The following PABPC1L2A variants were observed in gnomAD, a reference collection of about 807,000 sequenced individuals.
The protein encoded by PABPC1L2A is polyadenylate-binding protein 1-like 2.
rs2055548119 is a variant in PABPC1L2A, at chrX:73,077,793, T to C, written c.*991A>G. On this transcript the variant is annotated 3_prime_UTR_variant, in exon 1 of 1. Coordinates refer to ENST00000373519, the MANE Select transcript of PABPC1L2A (RefSeq NM_001012977.3). Reference sequence around the variant, plus strand: ...ATCAATTACAGTGACCAGGAGACTATGCAGGGGAAACGGGCATACTCTTTA... The same window carrying C: ...ATCAATTACAGTGACCAGGAGACTACGCAGGGGAAACGGGCATACTCTTTA... 1 of 121,781 alleles carries C rather than the reference T, an allele frequency of 8.2e-6. No homozygotes were observed. Among genetic ancestry groups the C allele is most frequent in the African/African-American group, 3.3e-5 (1 of 30,197 alleles). 10.0% of individuals were successfully genotyped at this position (121,781 alleles called of 1,213,427 possible). A position where few individuals can be genotyped will look rare whatever the true frequency, so the allele number is the denominator to read the frequency against.
In PABPC1L2A at chrX:73,077,290, C is replaced by A. The variant is rs1485261613; in HGVS notation, c.*1494G>T. 1.8e-5 allele frequency: 2 copies of A among 111,105 alleles called. No homozygotes were observed. The highest frequency in any genetic ancestry group is 6.6e-5 in the African/African-American group (2 of 30,488). 9.2% of individuals were successfully genotyped at this position (111,105 alleles called of 1,213,427 possible). ...GCCAGAGAAAATATTTTAAAAGTAT[C>A]TTTAATGACATGAAATGAAGTTCAA... On this transcript the variant is annotated 3_prime_UTR_variant, in exon 1 of 1. Coordinates refer to ENST00000373519, the MANE Select transcript of PABPC1L2A (RefSeq NM_001012977.3).
chrX:73,077,663 T>A lies in PABPC1L2A; in HGVS notation c.*1121A>T, dbSNP rs1460020306. ...GGAATGGGGTCATAAGCAGTGTTTG[T>A]TTCCAGCAAAACTACCGAGGACAGC... On this transcript the variant is annotated 3_prime_UTR_variant, in exon 1 of 1. Transcript: ENST00000373519. The A allele has an allele frequency of 8.3e-6, 1 of 120,738 alleles. No individual in the cohort carries two copies. Among genetic ancestry groups the A allele is most frequent in the Non-Finnish European group, 1.9e-5 (1 of 52,808 alleles). 10.0% of individuals were successfully genotyped at this position (120,738 alleles called of 1,213,427 possible). A position where few individuals can be genotyped will look rare whatever the true frequency, so the allele number is the denominator to read the frequency against.
rs1299534132 is a variant in PABPC1L2A at position 73,077,611 on chromosome X, G to C, written c.*1173C>G. 1.7e-5 allele frequency: 2 copies of C among 121,045 alleles called. No individual in the cohort carries two copies. The highest frequency in any genetic ancestry group is 6.7e-5 in the African/African-American group (2 of 30,012). 10.0% of individuals were successfully genotyped at this position (121,045 alleles called of 1,213,427 possible). On this transcript the variant is annotated 3_prime_UTR_variant, in exon 1 of 1. Transcript: ENST00000373519. The stretch of plus-strand genomic sequence containing the variant: ...ACGCTGAATTACTTTTCTGACAACA[G>C]GGAAAAGGACAGGAAGAGGGCACAG...
At position 73,077,722 on chromosome X, in the gene PABPC1L2A, G is replaced by GACACAC. The variant is rs377158860; in HGVS notation, c.*1056_*1061dup. The stretch of plus-strand genomic sequence containing the variant: ...CTTTGTAGCCCGCCAAGCTGGCCAA[G>GACACAC]ACACACACACACACACACACACACA... On this transcript the variant is annotated 3_prime_UTR_variant, in exon 1 of 1. Coordinates refer to ENST00000373519, the MANE Select transcript of PABPC1L2A (RefSeq NM_001012977.3). The GACACAC allele has an allele frequency of 3.8e-4, 40 of 104,772 alleles. No individual in the cohort carries two copies. Among genetic ancestry groups the GACACAC allele is most frequent in the African/African-American group, 1.4e-3 (37 of 26,716 alleles). The allele number at this position is 104,772 out of a possible 1,213,427, so 8.6% of individuals were successfully genotyped here.
Position 73,079,303 on chromosome X carries a change from G to A in PABPC1L2A, c.84C>T (p.Ile28=). 1 of 291,646 alleles carries A rather than the reference G, an allele frequency of 3.4e-6. No individual in the cohort carries two copies. The highest frequency in any genetic ancestry group is 6.2e-6 in the Non-Finnish European group (1 of 162,188). The allele number at this position is 291,646 out of a possible 1,213,427, so 24.0% of individuals were successfully genotyped here. A position where few individuals can be genotyped will look rare whatever the true frequency, so the allele number is the denominator to read the frequency against. ...LYEKFSPAGP[I]LSIRICRDKI... ...TGTCCCTGCAGATGCGGATGGAGAG[G>A]ATGGGCCCAGCTGGACTGAACTTCT... The change falls in exon 1 of 1, where the codon ATC becomes ATT. Residue 28 remains isoleucine (I), a synonymous_variant. Coordinates refer to ENST00000373519, the MANE Select transcript of PABPC1L2A (RefSeq NM_001012977.3).
At position 73,077,345 on chromosome X, in the gene PABPC1L2A, CAT is replaced by C. The variant is rs782761523; in HGVS notation, c.*1437_*1438del. ...ATGTGTGTGTATAAATATACACACA[CAT>C]GTATGTGTGAAAAGCAGATATAAAA... On this transcript the variant is annotated 3_prime_UTR_variant, in exon 1 of 1. Coordinates refer to ENST00000373519, the MANE Select transcript of PABPC1L2A (RefSeq NM_001012977.3). 3.6e-5 allele frequency: 4 copies of C among 110,566 alleles called. No homozygotes were observed. Among genetic ancestry groups the C allele is most frequent in the Non-Finnish European group, 5.7e-5 (3 of 52,890 alleles). The allele number at this position is 110,566 out of a possible 1,213,427, so 9.1% of individuals were successfully genotyped here.
rs1294021526 is a variant in PABPC1L2A at position 73,077,737 on chromosome X, A to G, written c.*1047T>C. The G allele has an allele frequency of 8.3e-6, 1 of 120,014 alleles. No homozygotes were observed. Among genetic ancestry groups the G allele is most frequent in the Non-Finnish European group, 1.9e-5 (1 of 52,926 alleles). 9.9% of individuals were successfully genotyped at this position (120,014 alleles called of 1,213,427 possible). ...AGCTGGCCAAGACACACACACACAC[A>G]CACACACACACACACGCACGCACAC... On this transcript the variant is annotated 3_prime_UTR_variant, in exon 1 of 1. Transcript: ENST00000373519.
rs2055550733 is a variant in PABPC1L2A, at chrX:73,078,205, A to AAAGCAACT, written c.*578_*579insAGTTGCTT. Reference sequence around the variant, plus strand: ...ATTTTTGTTTGGTTTTAGTTGCTGAAAAAGCAGGTTAAGAAACACCACATA... The same window carrying AAAGCAACT: ...ATTTTTGTTTGGTTTTAGTTGCTGAAAAGCAACTAAAGCAGGTTAAGAAACACCACATA... On this transcript the variant is annotated 3_prime_UTR_variant, in exon 1 of 1. Coordinates refer to ENST00000373519, the MANE Select transcript of PABPC1L2A (RefSeq NM_001012977.3). 2 of 137,598 alleles carry AAAGCAACT rather than the reference A, an allele frequency of 1.5e-5. No homozygotes were observed. The highest frequency in any genetic ancestry group is 4.7e-4 in the South Asian group (2 of 4,278). The allele number at this position is 137,598 out of a possible 1,213,427, so 11.3% of individuals were successfully genotyped here.
rs1556385411 is a variant in PABPC1L2A at position 73,077,745 on chromosome X, A to AC, written c.*1038dup. ...AAGACACACACACACACACACACACACACACACGCACGCACACACACGATC... is the reference window on the plus strand; with the variant it reads ...AAGACACACACACACACACACACACACCACACACGCACGCACACACACGATC... On this transcript the variant is annotated 3_prime_UTR_variant, in exon 1 of 1. Transcript: ENST00000373519. 2 of 120,421 alleles carry AC rather than the reference A, an allele frequency of 1.7e-5. No homozygotes were observed. Among genetic ancestry groups the AC allele is most frequent in the Admixed American group, 9.7e-5 (1 of 10,261 alleles). The allele number at this position is 120,421 out of a possible 1,213,427, so 9.9% of individuals were successfully genotyped here.
Position 73,077,738 on chromosome X carries a change from C to G in PABPC1L2A, c.*1046G>C, listed in dbSNP as rs1382204584. ...GCTGGCCAAGACACACACACACACACACACACACACACACGCACGCACACA... is the reference window on the plus strand; with the variant it reads ...GCTGGCCAAGACACACACACACACAGACACACACACACACGCACGCACACA... On this transcript the variant is annotated 3_prime_UTR_variant, in exon 1 of 1. Transcript: ENST00000373519. 4 of 120,202 alleles carry G rather than the reference C, an allele frequency of 3.3e-5. No homozygotes were observed. The highest frequency in any genetic ancestry group is 1.9e-5 in the Non-Finnish European group (1 of 52,991). The allele number at this position is 120,202 out of a possible 1,213,427, so 9.9% of individuals were successfully genotyped here.
Position 73,079,197 on chromosome X carries a change from T to G in PABPC1L2A, c.190A>C (p.Asn64His), listed in dbSNP as rs1198946889. Residue 64 changes from asparagine (N) to histidine (H), a missense_variant, in exon 1 of 1, where the codon AAC (asparagine) becomes CAC (histidine). Asn to His is a moderately conservative substitution (Grantham distance 68). Coordinates refer to ENST00000373519, the MANE Select transcript of PABPC1L2A (RefSeq NM_001012977.3). The stretch of plus-strand genomic sequence containing the variant: ...GGCCTGCCCTTTATGACATCAAAGT[T>G]CAGGGTCTCCAGGGCCCGCTTGGCG... ...VDAKRALETL[N>H]FDVIKGRPVR... is the part of the protein sequence containing the mutation. The G allele has an allele frequency of 9.0e-6, 2 of 222,053 alleles. No individual in the cohort carries two copies. The highest frequency in any genetic ancestry group is 1.1e-4 in the African/African-American group (2 of 18,563). 18.3% of individuals were successfully genotyped at this position (222,053 alleles called of 1,213,427 possible).
rs1282563909 is a variant in PABPC1L2A, at chrX:73,077,502, T to G, written c.*1282A>C. 8.4e-6 allele frequency: 1 copy of G among 118,448 alleles called. No individual in the cohort carries two copies. Among genetic ancestry groups the G allele is most frequent in the African/African-American group, 3.3e-5 (1 of 30,623 alleles). The allele number at this position is 118,448 out of a possible 1,213,427, so 9.8% of individuals were successfully genotyped here. ...TGCATGAAAATGTTTCTGGAATGTG[T>G]GTGTAATCATCAGAAATGATTACTG... On this transcript the variant is annotated 3_prime_UTR_variant, in exon 1 of 1. Transcript: ENST00000373519.
Position 73,077,668 on chromosome X carries a change from A to T in PABPC1L2A, c.*1116T>A, listed in dbSNP as rs1556385378. 8.3e-6 allele frequency: 1 copy of T among 120,709 alleles called. No individual in the cohort carries two copies. The highest frequency in any genetic ancestry group is 1.9e-5 in the Non-Finnish European group (1 of 52,860). 9.9% of individuals were successfully genotyped at this position (120,709 alleles called of 1,213,427 possible). On this transcript the variant is annotated 3_prime_UTR_variant, in exon 1 of 1. Transcript: ENST00000373519. ...GGGGTCATAAGCAGTGTTTGTTTCC[A>T]GCAAAACTACCGAGGACAGCGAAAC...
In PABPC1L2A at chrX:73,077,837, A is replaced by G. The variant is rs1345307477; in HGVS notation, c.*947T>C. ...CTCTTTACTAGCTGCGCTGGCCGGC[A>G]CGAGTGCAAATCGGTACAATGCTTA... On this transcript the variant is annotated 3_prime_UTR_variant, in exon 1 of 1. Transcript: ENST00000373519. 3 of 122,083 alleles carry G rather than the reference A, an allele frequency of 2.5e-5. No individual in the cohort carries two copies. The highest frequency in any genetic ancestry group is 5.7e-5 in the Non-Finnish European group (3 of 53,004). 10.1% of individuals were successfully genotyped at this position (122,083 alleles called of 1,213,427 possible).
At position 73,079,323 on chromosome X, in the gene PABPC1L2A, ACTT is replaced by A. The variant is rs2055554457; in HGVS notation, c.61_63del (p.Lys21del). The A allele has an allele frequency of 3.3e-6, 1 of 300,719 alleles. No homozygotes were observed. The highest frequency in any genetic ancestry group is 3.5e-5 in the African/African-American group (1 of 28,632). The allele number at this position is 300,719 out of a possible 1,213,427, so 24.8% of individuals were successfully genotyped here. On this transcript the variant is annotated inframe_deletion, in exon 1 of 1. Transcript: ENST00000373519. ...GAGAGGATGGGCCCAGCTGGACTGA[ACTT>A]CTCGTACAGCATTGCCTCGGTCACC...
rs188152995 is a variant in PABPC1L2A, at chrX:73,077,339, C to T, written c.*1445G>A. On this transcript the variant is annotated 3_prime_UTR_variant, in exon 1 of 1. Transcript: ENST00000373519. ...AAGAATATGTGTGTGTATAAATATA[C>T]ACACACATGTATGTGTGAAAAGCAG... 37 of 110,847 alleles carry T rather than the reference C, an allele frequency of 3.3e-4. 1 individual carries two copies. The East Asian group carries it at 8.5e-3, about 25-fold the overall frequency. 9.1% of individuals were successfully genotyped at this position (110,847 alleles called of 1,213,427 possible).
rs1427360280 is a variant in PABPC1L2A at position 73,077,399 on chromosome X, T to C, written c.*1385A>G. On this transcript the variant is annotated 3_prime_UTR_variant, in exon 1 of 1. Coordinates refer to ENST00000373519, the MANE Select transcript of PABPC1L2A (RefSeq NM_001012977.3). Reference sequence around the variant, plus strand: ...CAGTCTGTACATCATAATATACATATATGATATATGCATAAGAAAAAAACT... The same window carrying C: ...CAGTCTGTACATCATAATATACATACATGATATATGCATAAGAAAAAAACT... 9.0e-6 allele frequency: 1 copy of C among 111,444 alleles called. No individual in the cohort carries two copies. Among genetic ancestry groups the C allele is most frequent in the Non-Finnish European group, 1.9e-5 (1 of 53,070 alleles). The allele number at this position is 111,444 out of a possible 1,213,427, so 9.2% of individuals were successfully genotyped here.
rs1418865625 is a variant in PABPC1L2A, at chrX:73,077,650, TA to T, written c.*1133del. ...AAGAGGGCACAGGGGAATGGGGTCA[TA>T]AGCAGTGTTTGTTTCCAGCAAAACT... On this transcript the variant is annotated 3_prime_UTR_variant, in exon 1 of 1. Transcript: ENST00000373519. The T allele has an allele frequency of 3.3e-5, 4 of 120,650 alleles. No homozygotes were observed. Among genetic ancestry groups the T allele is most frequent in the Non-Finnish European group, 5.7e-5 (3 of 52,813 alleles). The allele number at this position is 120,650 out of a possible 1,213,427, so 9.9% of individuals were successfully genotyped here. A position where few individuals can be genotyped will look rare whatever the true frequency, so the allele number is the denominator to read the frequency against.
In PABPC1L2A at chrX:73,079,501, A is replaced by C; in HGVS notation, c.-115T>G. 1 of 592,499 alleles carries C rather than the reference A, an allele frequency of 1.7e-6. No individual in the cohort carries two copies. The highest frequency in any genetic ancestry group is 3.4e-5 in the Admixed American group (1 of 29,606). 48.8% of individuals were successfully genotyped at this position (592,499 alleles called of 1,213,427 possible). On this transcript the variant is annotated 5_prime_UTR_variant, in exon 1 of 1. An upstream start codon of the reference 5' UTR is lost. Coordinates refer to ENST00000373519, the MANE Select transcript of PABPC1L2A (RefSeq NM_001012977.3). Reference sequence around the variant, plus strand: ...CCTCGGCCGCCACCTTCGCATCCGCATCCGCATCCGCATCCGCCTCCGCCT... The same window carrying C: ...CCTCGGCCGCCACCTTCGCATCCGCCTCCGCATCCGCATCCGCCTCCGCCT...
Sources: gnomAD v4.1 joint callset for allele counts on GRCh38, gnomAD v4.1.1 for gene constraint, MANE v1.5 for transcripts, NCBI Gene and HGNC (gene_info 2026-07-23, HGNC 2026-07-21) for gene names.